The following CERT1 variants were observed in gnomAD, a reference collection of about 807,000 sequenced individuals.
CERT1 encodes ceramide transporter 1, also known as ceramide transfer protein.
CERT1 carries 31 observed loss-of-function variants against 87.9 expected under a neutral mutation model. The observed-to-expected ratio is 0.35, with a 90% CI of 0.27 to 0.48. CERT1 has a LOEUF of 0.48. Among genes scored for constraint, CERT1 ranks in the 20% least tolerant of loss-of-function variants. The probability of loss-of-function intolerance (pLI) is 0.99; values close to 1 mark genes in which losing one functional copy is unlikely to be tolerated. For missense variants in CERT1, 487 were observed against 758.0 expected (o/e 0.64, Z 4.20); for synonymous variants, 289 against 250.9 (o/e 1.15, Z -1.44).
chr5:75,487,104 A>G (rs184864164), intron 2 of CERT1, among the ~76,000 whole-genome samples: 3 of 152,312 alleles, frequency 2.0e-5, no homozygotes, highest in Non-Finnish European at 2.9e-5. Context: ...TATAGTAACC[A>G]AAACAGTTTG....
At chr5:75,465,403 CA>C (rs1366203461) in intron 2 of CERT1, among the ~76,000 whole-genome samples, 1 of 152,140 alleles carries the variant, frequency 6.6e-6, no homozygotes, top group Non-Finnish European at 1.5e-5. Flanking sequence ...TCTGTTTTTA[CA>C]AATAAACACA....
chr5:75,385,914 T>C lies in CERT1; in HGVS notation c.1405A>G (p.Asn469Asp), dbSNP rs149889328. 1.3e-6 allele frequency: 2 copies of C among 1,538,492 alleles called. No homozygotes were observed. Among genetic ancestry groups the C allele is most frequent in the Non-Finnish European group, 1.7e-6 (2 of 1,145,724 alleles). ...CNYFWNVDVR[N>D]DWETTIENFH... ...AATGACAGCTTACTTTCCCAGTCAT[T>C]GCGAACGTCAACATTCCAGAAATAA... Residue 469 changes from asparagine (N) to aspartate (D), a missense_variant, in exon 13 of 17, where the codon AAT becomes GAT. Transcript: ENST00000643780.
chr5:75,509,981 T>C (rs1222763450), intron 1 of CERT1, among the ~76,000 whole-genome samples: 2 of 152,232 alleles, frequency 1.3e-5, no homozygotes, highest in Non-Finnish European at 2.9e-5. Flanking sequence ...CTTGCAATCC[T>C]TAGTTCTGAC....
downstream of CERT1, chr5:75,374,516 G>A: frequency 2.8e-6 from 2 of 720,186 alleles, no homozygotes; most frequent in African/African-American, 1.7e-5. Flanking sequence ...ACAGCCACGT[G>A]CAGCCTGTTT....
At chr5:75,477,351 G>A (rs151125252) in intron 2 of CERT1, among the ~76,000 whole-genome samples, 24 of 152,220 alleles carry the variant, frequency 1.6e-4, no homozygotes, top group African/African-American at 5.1e-4. Flanking sequence ...TTGAAAGTCT[G>A]TATGTAACAC....
At chr5:75,428,154 T>C (rs1763701841) in intron 3 of CERT1, among the ~76,000 whole-genome samples, 1 of 152,148 alleles carries the variant, frequency 6.6e-6, no homozygotes, top group African/African-American at 2.4e-5. Flanking sequence ...AATACTAAGC[T>C]TCTATGGTTT....
In CERT1 at chr5:75,402,956, T is replaced by C. The variant is rs764735434; in HGVS notation, c.1017+16A>G. The stretch of plus-strand genomic sequence containing the variant: ...TAAAATAAATTTCAGCTTAGAATTT[T>C]CAATAATAGATATACCTGTTCTTCT... On this transcript the variant is annotated intron_variant, in intron 9 of 16. Coordinates refer to ENST00000643780, the MANE Select transcript of CERT1 (RefSeq NM_001379029.1). 11 of 1,518,188 alleles carry C rather than the reference T, an allele frequency of 7.2e-6. No individual in the cohort carries two copies. The Admixed American group carries it at 1.9e-4, about 26-fold the overall frequency. 94.0% of individuals were successfully genotyped at this position (1,518,188 alleles called of 1,614,324 possible).
intron 3 of CERT1, among the ~76,000 whole-genome samples, chr5:75,431,699 G>A (rs1469631763): frequency 6.6e-6 from 1 of 152,182 alleles, no homozygotes; most frequent in Non-Finnish European, 1.5e-5. Flanking sequence ...AGTTTACTAA[G>A]GATAATGGCC....
chr5:75,410,828 G>A (rs1427204994), intron 8 of CERT1, 183 bp downstream of exon 8: 3 of 386,888 alleles, frequency 7.8e-6, no homozygotes, highest in Non-Finnish European at 1.4e-5. Context: ...TAGGCAATAA[G>A]AAATATATAT....
At chr5:75,464,850 C>A (rs1580809068) in intron 2 of CERT1, among the ~76,000 whole-genome samples, 1 of 152,084 alleles carries the variant, frequency 6.6e-6, no homozygotes, top group South Asian at 2.1e-4. Flanking sequence ...AGTGCTGGGA[C>A]TAGAGGCATG....
intron 3 of CERT1, among the ~76,000 whole-genome samples, chr5:75,449,838 T>C (rs1764704992): frequency 1.3e-5 from 2 of 152,210 alleles, no homozygotes; most frequent in Non-Finnish European, 2.9e-5. Flanking sequence ...CATCCTATTA[T>C]GAAGCAGCAG....
intron 2 of CERT1, among the ~76,000 whole-genome samples, chr5:75,498,585 G>A (rs1038475873): frequency 7.9e-5 from 12 of 152,226 alleles, no homozygotes; most frequent in African/African-American, 2.2e-4. Context: ...AAGCCTTGGC[G>A]GCTTTCCCAC....
chr5:75,390,471 A>G (rs543945593), intron 11 of CERT1, among the ~76,000 whole-genome samples: 12 of 152,154 alleles, frequency 7.9e-5, no homozygotes, highest in African/African-American at 2.9e-4. Flanking sequence ...ATTTAAATTT[A>G]TAACTTTTTC....
At chr5:75,506,240 T>A in intron 1 of CERT1, 124 bp from the exon 2 acceptor site, 1 of 824,582 alleles carries the variant, frequency 1.2e-6, no homozygotes, top group Non-Finnish European at 1.9e-6. Flanking sequence ...AACTTAATTC[T>A]AAGCATAAAC....
chr5:75,412,074 A>G (rs556906319), intron 7 of CERT1, among the ~76,000 whole-genome samples: 3 of 152,352 alleles, frequency 2.0e-5, no homozygotes, highest in South Asian at 4.1e-4. Flanking sequence ...TTCCACAACA[A>G]TGGGGTTCAC....
At chr5:75,487,240 C>T (rs1217180739) in intron 2 of CERT1, among the ~76,000 whole-genome samples, 3 of 152,016 alleles carry the variant, frequency 2.0e-5, no homozygotes, top group African/African-American at 4.8e-5. Context: ...AAAGGACAGT[C>T]GCTTCAATAA....
At chr5:75,433,770 C>G (rs144729489) in intron 3 of CERT1, among the ~76,000 whole-genome samples, 132 of 152,304 alleles carry the variant, frequency 8.7e-4, no homozygotes, top group African/African-American at 3.1e-3. Context: ...GATCCTTCTG[C>G]TTCAGCTTCC....
chr5:75,398,039 A>T lies in CERT1; in HGVS notation c.1188+1271T>A, dbSNP rs74906939. On this transcript the variant is annotated intron_variant, in intron 11 of 16. Transcript: ENST00000643780. ...GTCTCGAAAATAAATAAGTAAAATT[A>T]AAAAAAAATGCATAAATGGACAAGC... Among the ~76,000 whole-genome samples, 1,021 of 146,796 alleles carry T rather than the reference A, an allele frequency of 7.0e-3. 6 individuals carry two copies. Among genetic ancestry groups the T allele is most frequent in the East Asian group, 0.027 (140 of 5,164 alleles).
intron 2 of CERT1, among the ~76,000 whole-genome samples, chr5:75,488,778 T>C (rs913169353): frequency 5.9e-5 from 9 of 152,208 alleles, no homozygotes; most frequent in Admixed American, 5.2e-4. Flanking sequence ...CTAACAGTTT[T>C]ACTGTTCACA....
Sources: gnomAD v4.1 joint callset for allele counts (sites outside exome capture counted in the v4.1 genomes callset) on GRCh38, gnomAD v4.1.1 for gene constraint, MANE v1.5 for transcripts, NCBI Gene and HGNC (gene_info 2026-07-23, HGNC 2026-07-21) for gene names.